SYT10: variants seen among roughly 807,000 people sequenced by gnomAD.
SYT10 encodes the protein synaptotagmin 10.
In SYT10, 31 loss-of-function variants were observed where a neutral mutation model predicts 51.1. The ratio of observed to expected loss-of-function variants is 0.61; its 90% CI spans 0.46 to 0.82. The LOEUF is 0.82. Among genes scored for constraint, SYT10 ranks in the 40% least tolerant of loss-of-function variants. The pLI, the probability that SYT10 is intolerant of heterozygous loss-of-function variation, is 0.00. For missense variants in SYT10, 603 were observed against 634.0 expected (o/e 0.95, Z 0.53); for synonymous variants, 233 against 225.9 (o/e 1.03, Z -0.28).
At chr12:33,377,718 C>T (rs1866076215) in intron 6 of SYT10, among the ~76,000 whole-genome samples, 1 of 150,400 alleles carries the variant, frequency 6.6e-6, no homozygotes, top group Non-Finnish European at 1.5e-5. Flanking sequence ...ACCTCCGCCT[C>T]CTGGGTTTAA....
intron 2 of SYT10, among the ~76,000 whole-genome samples, chr12:33,417,604 G>T (rs1197345433): frequency 6.6e-6 from 1 of 152,242 alleles, no homozygotes; most frequent in Admixed American, 6.5e-5. Context: ...AGGGAAAACA[G>T]ATTGCTGTGC....
chr12:33,382,649 T>C (rs1269657763), intron 4 of SYT10, 129 bp from the exon 5 acceptor site: 11 of 790,516 alleles, frequency 1.4e-5, no homozygotes, highest in Non-Finnish European at 1.8e-5. Context: ...GTATTACCAA[T>C]TTTAAATTTG....
Position 33,375,291 on chromosome 12 carries a change from A to C in SYT10, c.*1539T>G, listed in dbSNP as rs1377131181. The C allele has an allele frequency of 2.0e-5, 3 of 152,126 alleles. No homozygotes were observed. The highest frequency in any genetic ancestry group is 4.4e-5 in the Non-Finnish European group (3 of 67,962). The allele number at this position is 152,126 out of a possible 1,614,324, so 9.4% of individuals were successfully genotyped here. A position where few individuals can be genotyped will look rare whatever the true frequency, so the allele number is the denominator to read the frequency against. On this transcript the variant is annotated 3_prime_UTR_variant, in exon 7 of 7. Coordinates refer to ENST00000228567, the MANE Select transcript of SYT10 (RefSeq NM_198992.4). The stretch of plus-strand genomic sequence containing the variant: ...TGCCATCACTATAAGAGATGTCAAC[A>C]AAATTTCAAGGCTTTTAAAACTTTT...
intron 3 of SYT10, among the ~76,000 whole-genome samples, chr12:33,406,580 T>C (rs1326380849): frequency 6.6e-6 from 1 of 152,158 alleles, no homozygotes; most frequent in African/African-American, 2.4e-5. Flanking sequence ...AGAGCTACGT[T>C]TTTTTATTCA....
At chr12:33,405,053 C>T (rs1866341020) in intron 3 of SYT10, 1 of 151,866 alleles carries the variant, frequency 6.6e-6, no homozygotes, top group African/African-American at 2.4e-5. Context: ...GTCGATTATA[C>T]TAATTTTTTA....
chr12:33,415,902 C>T (rs1431034417), intron 2 of SYT10, among the ~76,000 whole-genome samples: 3 of 152,126 alleles, frequency 2.0e-5, no homozygotes, highest in Non-Finnish European at 4.4e-5. Flanking sequence ...ATCCTTAATC[C>T]CTTTTTAGAA....
intron 3 of SYT10, among the ~76,000 whole-genome samples, chr12:33,393,175 C>T (rs752432838): frequency 2.1e-4 from 32 of 151,998 alleles, no homozygotes; most frequent in Non-Finnish European, 4.1e-4. Context: ...AATCAAGTCT[C>T]AAAATTAGCT....
intron 2 of SYT10, among the ~76,000 whole-genome samples, chr12:33,421,793 T>C (rs1447908267): frequency 6.6e-6 from 1 of 152,130 alleles, no homozygotes; most frequent in African/African-American, 2.4e-5. Context: ...TAATAGTTAA[T>C]AATTGGGCAG....
chr12:33,407,193 G>T lies in SYT10; in HGVS notation c.673C>A (p.Gln225Lys). The change falls in exon 3 of 7, where the codon CAA (glutamine) becomes AAA (lysine). Residue 225 changes from glutamine to lysine, a missense_variant. Transcript: ENST00000228567. ...CCACAGATTTTGACATCTTCGTTTT[G>T]GTTGCCCTCAGAGTCAACTGATTTC... The part of the protein sequence containing the change: ...KQKSVDSEGN[Q>K]NEDVKICGKL... 1.9e-6 allele frequency: 3 copies of T among 1,614,112 alleles called. No homozygotes were observed. The highest frequency in any genetic ancestry group is 2.5e-6 in the Non-Finnish European group (3 of 1,180,016).
At chr12:33,433,367 G>A (rs1866612274) in intron 1 of SYT10, among the ~76,000 whole-genome samples, 1 of 152,014 alleles carries the variant, frequency 6.6e-6, no homozygotes, top group African/African-American at 2.4e-5. Flanking sequence ...TACTTCACTT[G>A]ACCAAAATAT....
intron 1 of SYT10, 27 bp from the exon 2 acceptor site, chr12:33,426,522 T>A (rs1339402301): frequency 6.8e-7 from 1 of 1,481,048 alleles, no homozygotes; most frequent in African/African-American, 1.4e-5. Flanking sequence ...GTAAAAATGA[T>A]TAATTAATAT....
Position 33,426,317 on chromosome 12 carries a change from A to G in SYT10, c.330T>C (p.Thr110=). 6.2e-7 allele frequency: 1 copy of G among 1,613,858 alleles called. No homozygotes were observed. The highest frequency in any genetic ancestry group is 8.5e-7 in the Non-Finnish European group (1 of 1,179,972). The change falls in exon 2 of 7, where the codon ACT becomes ACC. Residue 110 remains threonine, a synonymous_variant. Coordinates refer to ENST00000228567, the MANE Select transcript of SYT10 (RefSeq NM_198992.4). ...TTTCCTTAATTTCTTTTTTCTCTTC[A>G]GTCTCAAAAACTTCAGTAGGAGCAC... ...ISSAPTEVFE[T]EEKKEIKENE...
intron 2 of SYT10, among the ~76,000 whole-genome samples, chr12:33,423,476 C>G (rs1156325776): frequency 6.6e-6 from 1 of 151,934 alleles, no homozygotes; most frequent in Non-Finnish European, 1.5e-5. Context: ...CTAATGAACT[C>G]AGCAATTTCC....
chr12:33,407,290 G>A lies in SYT10; in HGVS notation c.576C>T (p.Gly192=), dbSNP rs1866365929. The change falls in exon 3 of 7, where the codon GGC becomes GGT. Residue 192 remains glycine (G), a synonymous_variant. Transcript: ENST00000228567. ...MQVSSVDFSM[G]TEPVLQRGET... is the part of the protein sequence containing the mutation. ...CTCCTCGTTGTAAAACAGGTTCTGTGCCCATGCTAAAATCAACACTGGAAA... is the reference window on the plus strand; with the variant it reads ...CTCCTCGTTGTAAAACAGGTTCTGTACCCATGCTAAAATCAACACTGGAAA... 9.3e-6 allele frequency: 15 copies of A among 1,612,254 alleles called. No homozygotes were observed. Among genetic ancestry groups the A allele is most frequent in the Non-Finnish European group, 1.3e-5 (15 of 1,180,022 alleles).
intron 1 of SYT10, among the ~76,000 whole-genome samples, chr12:33,428,689 G>A (rs1866571916): frequency 6.6e-6 from 1 of 152,214 alleles, no homozygotes; most frequent in Non-Finnish European, 1.5e-5. Context: ...GGCGGATCAC[G>A]AGGTCAGAAG....
At chr12:33,434,017 C>T (rs566632967) in intron 1 of SYT10, among the ~76,000 whole-genome samples, 1 of 152,288 alleles carries the variant, frequency 6.6e-6, no homozygotes, top group South Asian at 2.1e-4. Context: ...CTACTTTCAA[C>T]TGGAATGATT....
At chr12:33,429,982 C>T (rs996992704) in intron 1 of SYT10, among the ~76,000 whole-genome samples, 1 of 152,134 alleles carries the variant, frequency 6.6e-6, no homozygotes, top group Non-Finnish European at 1.5e-5. Flanking sequence ...AACTTGATGA[C>T]TAGGCTCTCT....
At chr12:33,426,609 A>G (rs1866555695) in intron 1 of SYT10, 114 bp from the exon 2 acceptor site, 2 of 975,704 alleles carry the variant, frequency 2.0e-6, no homozygotes, top group Non-Finnish European at 2.9e-6. Flanking sequence ...AATTTCAAAA[A>G]CTCAATTTTA....
intron 2 of SYT10, among the ~76,000 whole-genome samples, chr12:33,409,509 A>T (rs547644087): frequency 3.6e-5 from 5 of 137,894 alleles, no homozygotes; most frequent in Admixed American, 1.5e-4. Flanking sequence ...GAGAACATTG[A>T]TTTCTTTTCT....
Sources: allele counts gnomAD v4.1 joint callset (sites outside exome capture counted in the v4.1 genomes callset), GRCh38; gene constraint gnomAD v4.1.1; transcripts MANE v1.5; gene names NCBI Gene and HGNC (gene_info 2026-07-23, HGNC 2026-07-21).